The following ENTREP2 variants were observed in gnomAD, a reference collection of about 807,000 sequenced individuals.
ENTREP2 encodes endosomal transmembrane epsin interactor 2.
chr15:29,288,456 T>C, the ENTREP2 span, among the ~76,000 whole-genome samples: 2 of 152,220 alleles, frequency 1.3e-5, no homozygotes, highest in African/African-American at 4.8e-5. Flanking sequence ...TGGAAAGTTC[T>C]TCCCACATGG....
the ENTREP2 span, among the ~76,000 whole-genome samples, chr15:29,368,161 C>T: frequency 2.0e-5 from 3 of 151,716 alleles, no homozygotes; most frequent in Non-Finnish European, 2.9e-5. Flanking sequence ...TCCGTCTCTA[C>T]CAAAAATACA....
At chr15:29,480,906 C>T in the ENTREP2 span, among the ~76,000 whole-genome samples, 136 of 152,110 alleles carry the variant, frequency 8.9e-4, no homozygotes, top group Non-Finnish European at 1.6e-3. Context: ...GGTGAGGTGG[C>T]CCCCAAGGGC....
the ENTREP2 span, among the ~76,000 whole-genome samples, chr15:29,371,478 T>C: frequency 1.3e-4 from 20 of 152,014 alleles, 1 homozygote; most frequent in Non-Finnish European, 2.4e-4. Context: ...GATGGCCTGA[T>C]ATTGAGTGGG....
the ENTREP2 span, among the ~76,000 whole-genome samples, chr15:29,634,646 C>T: frequency 6.6e-6 from 1 of 152,206 alleles, no homozygotes; most frequent in African/African-American, 2.4e-5. Context: ...AGGGTGAGGG[C>T]TCTGTGCCCA....
At chr15:29,648,437 G>T in the ENTREP2 span, among the ~76,000 whole-genome samples, 1 of 152,196 alleles carries the variant, frequency 6.6e-6, no homozygotes, top group Non-Finnish European at 1.5e-5. Flanking sequence ...GGTCTCTCAT[G>T]TTACCCACCA....
chr15:29,627,395 T>C, the ENTREP2 span, among the ~76,000 whole-genome samples: 1 of 151,866 alleles, frequency 6.6e-6, no homozygotes, highest in Middle Eastern at 3.2e-3. Context: ...ATACAAAAAT[T>C]AGCCAGCCAT....
chr15:29,129,047 C>G, the ENTREP2 span, among the ~76,000 whole-genome samples: 1 of 152,174 alleles, frequency 6.6e-6, no homozygotes, highest in African/African-American at 2.4e-5. Context: ...TTGCCCTTGC[C>G]AAGGCCAAAG....
At chr15:29,282,620 C>T in the ENTREP2 span, among the ~76,000 whole-genome samples, 2 of 152,160 alleles carry the variant, frequency 1.3e-5, no homozygotes, top group Admixed American at 1.3e-4. Flanking sequence ...CTCCACCCAC[C>T]TCATGAATTC....
chr15:29,134,858 G>T, the ENTREP2 span, among the ~76,000 whole-genome samples: 1 of 152,136 alleles, frequency 6.6e-6, no homozygotes, highest in Non-Finnish European at 1.5e-5. Context: ...GAGCATTGGG[G>T]GTGACATCAA....
the ENTREP2 span, among the ~76,000 whole-genome samples, chr15:29,465,711 A>C: frequency 6.6e-6 from 1 of 152,236 alleles, no homozygotes; most frequent in Non-Finnish European, 1.5e-5. Context: ...TATTTAACAT[A>C]AATCATTAGT....
chr15:29,480,748 T>C, the ENTREP2 span, among the ~76,000 whole-genome samples: 2 of 152,046 alleles, frequency 1.3e-5, no homozygotes, highest in Non-Finnish European at 2.9e-5. Flanking sequence ...TTTAGAGGCA[T>C]TGAACATCCC....
the ENTREP2 span, among the ~76,000 whole-genome samples, chr15:29,134,262 C>T: frequency 4.6e-5 from 7 of 152,242 alleles, no homozygotes; most frequent in Non-Finnish European, 8.8e-5. Flanking sequence ...CCATTACTGC[C>T]AGTTCAGGAA....
the ENTREP2 span, among the ~76,000 whole-genome samples, chr15:29,641,632 C>G: frequency 0.15 from 22,185 of 151,852 alleles, 3,157 homozygotes; most frequent in African/African-American, 0.38. Flanking sequence ...AGGAGTTCCA[C>G]ATCAGCCTGG....
the ENTREP2 span, among the ~76,000 whole-genome samples, chr15:29,616,386 T>C: frequency 5.3e-5 from 8 of 152,112 alleles, no homozygotes; most frequent in Admixed American, 3.3e-4. Flanking sequence ...TCAGGGCTGA[T>C]GGCTGTCAGA....
At chr15:29,391,901 C>T in the ENTREP2 span, among the ~76,000 whole-genome samples, 72 of 152,124 alleles carry the variant, frequency 4.7e-4, no homozygotes, top group Admixed American at 4.7e-3. Context: ...CTCGGCTCAC[C>T]GCAAGCTCCG....
At chr15:29,310,613 G>A in the ENTREP2 span, among the ~76,000 whole-genome samples, 2 of 152,190 alleles carry the variant, frequency 1.3e-5, no homozygotes, top group Admixed American at 6.5e-5. Flanking sequence ...GAAGGCTGTC[G>A]GGGCAGGGAA....
chr15:29,653,531 G>C, the ENTREP2 span, among the ~76,000 whole-genome samples: 4 of 152,168 alleles, frequency 2.6e-5, no homozygotes, highest in African/African-American at 9.7e-5. Context: ...TCTCATCATA[G>C]TGAGTGAGAT....
chr15:29,665,918 A>T, the ENTREP2 span, among the ~76,000 whole-genome samples: 1 of 139,992 alleles, frequency 7.1e-6, no homozygotes, highest in Non-Finnish European at 1.5e-5. Context: ...CAGTGGTGCG[A>T]TCTTGGCTCA....
the ENTREP2 span, among the ~76,000 whole-genome samples, chr15:29,196,084 C>T: frequency 2.0e-5 from 3 of 151,952 alleles, no homozygotes; most frequent in Non-Finnish European, 4.4e-5. Flanking sequence ...CAAAATAAAT[C>T]CCCATTTGTT....
Sources: allele counts gnomAD v4.1 joint callset (sites outside exome capture counted in the v4.1 genomes callset), GRCh38; gene constraint gnomAD v4.1.1; transcripts MANE v1.5; gene names NCBI Gene and HGNC (gene_info 2026-07-23, HGNC 2026-07-21).